AFAP1: variants seen among roughly 807,000 people sequenced by gnomAD.
AFAP1 encodes the protein actin filament-associated protein 1.
Under a neutral mutation model 93.9 loss-of-function variants are expected in AFAP1, and 75 were observed. The ratio of observed to expected loss-of-function variants is 0.80; its 90% CI spans 0.66 to 0.97. The LOEUF (loss-of-function observed/expected upper bound fraction) is 0.97, where lower values mean the gene tolerates loss of function less well. Among genes scored for constraint, AFAP1 ranks in the 50% least tolerant of loss-of-function variants. The pLI, the probability that AFAP1 is intolerant of heterozygous loss-of-function variation, is 0.00. For synonymous variants in AFAP1, 517 were observed against 430.7 expected, an observed-to-expected ratio of 1.20 and a Z score of -2.48; for missense variants, 1,201 against 1,050.8, an observed-to-expected ratio of 1.14 and a Z score of -1.98.
intron 1 of AFAP1, among the ~76,000 whole-genome samples, chr4:7,932,053 G>A (rs1157718913): frequency 3.3e-5 from 5 of 151,800 alleles, no homozygotes; most frequent in African/African-American, 1.2e-4. Flanking sequence ...AGTAGAGATG[G>A]GGTTTCACCA....
intron 3 of AFAP1, among the ~76,000 whole-genome samples, chr4:7,863,153 C>T (rs1268768989): frequency 6.6e-6 from 1 of 152,240 alleles, no homozygotes; most frequent in Non-Finnish European, 1.5e-5. Flanking sequence ...CGGTGGCTCA[C>T]GCCTATAATC....
intron 1 of AFAP1, among the ~76,000 whole-genome samples, chr4:7,880,227 A>G (rs931753482): frequency 1.3e-5 from 2 of 151,086 alleles, no homozygotes; most frequent in Non-Finnish European, 2.9e-5. Flanking sequence ...ATTTACCTTC[A>G]TGACTCAATC....
At chr4:7,834,445 C>T (rs1056279654) in intron 6 of AFAP1, among the ~76,000 whole-genome samples, 6 of 152,166 alleles carry the variant, frequency 3.9e-5, no homozygotes, top group African/African-American at 9.7e-5. Context: ...CAAAATCTCA[C>T]GAATCAACAC....
rs1717226094 is a variant in AFAP1 at position 7,786,076 on chromosome 4, T to C, written c.1530+118A>G. 4.6e-6 allele frequency: 4 copies of C among 866,004 alleles called. No individual in the cohort carries two copies. The Admixed American group carries it at 8.8e-5, about 19-fold the overall frequency. The allele number at this position is 866,004 out of a possible 1,614,324, so 53.6% of individuals were successfully genotyped here. On this transcript the variant is annotated intron_variant, in intron 12 of 17. Coordinates refer to ENST00000420658, the MANE Select transcript of AFAP1 (RefSeq NM_001134647.2). Reference sequence around the variant, plus strand: ...AGAGATGAGATGGAGTCTCCTTGCCTCAGAGCATTAAAAAGCTGACCTTAT... The same window carrying C: ...AGAGATGAGATGGAGTCTCCTTGCCCCAGAGCATTAAAAAGCTGACCTTAT...
chr4:7,845,244 G>T (rs577960568), intron 4 of AFAP1, among the ~76,000 whole-genome samples: 2 of 152,022 alleles, frequency 1.3e-5, no homozygotes, highest in South Asian at 4.2e-4. Flanking sequence ...GCAACATAGC[G>T]AGACCCTATC....
intron 12 of AFAP1, among the ~76,000 whole-genome samples, chr4:7,785,478 A>G (rs7699923): frequency 0.012 from 1,879 of 152,282 alleles, 43 homozygotes; most frequent in African/African-American, 0.043. Context: ...CTATGTCATC[A>G]TTTCCTTCCT....
At chr4:7,860,227 C>T (rs1157889044) in intron 3 of AFAP1, among the ~76,000 whole-genome samples, 1 of 152,096 alleles carries the variant, frequency 6.6e-6, no homozygotes, top group African/African-American at 2.4e-5. Context: ...ATCTCTTCTG[C>T]AAAATGCTTG....
chr4:7,808,664 G>A (rs571057272), intron 9 of AFAP1, among the ~76,000 whole-genome samples: 31 of 152,210 alleles, frequency 2.0e-4, no homozygotes, highest in South Asian at 4.1e-4. Context: ...ATCTCATGTT[G>A]AAATGTGATC....
In AFAP1 at chr4:7,880,426, C is replaced by T. The variant is rs185407663; in HGVS notation, c.-2-8346G>A. 3.3e-5 allele frequency among the ~76,000 whole-genome samples: 5 copies of T among 152,136 alleles called. No individual in the cohort carries two copies. The East Asian group carries it at 7.7e-4, about 24-fold the overall frequency. The stretch of plus-strand genomic sequence containing the variant: ...TCCTGAGTAGCTGGTATTATAGGCA[C>T]CCACCACCACACCCGGCTAATTTTT... On this transcript the variant is annotated intron_variant, in intron 1 of 17. Transcript: ENST00000420658.
At chr4:7,772,718 G>A in intron 16 of AFAP1, 102 bp downstream of exon 16, 1 of 1,132,222 alleles carries the variant, frequency 8.8e-7, no homozygotes, top group Admixed American at 2.5e-5. Context: ...GGGGCCACAA[G>A]CAAGCTACGC....
intron 11 of AFAP1, among the ~76,000 whole-genome samples, chr4:7,791,138 C>G (rs529220821): frequency 6.6e-6 from 1 of 152,306 alleles, no homozygotes; most frequent in African/African-American, 2.4e-5. Flanking sequence ...ATTAAACGGG[C>G]ACAACACAAC....
At chr4:7,796,501 G>A (rs1481901369) in intron 10 of AFAP1, among the ~76,000 whole-genome samples, 1 of 152,152 alleles carries the variant, frequency 6.6e-6, no homozygotes, top group Non-Finnish European at 1.5e-5. Context: ...TGTAATCCCA[G>A]CACTTTGGGA....
intron 8 of AFAP1, among the ~76,000 whole-genome samples, chr4:7,813,327 A>C (rs6844380): frequency 0.7 from 105,964 of 152,118 alleles, 37,519 homozygotes; most frequent in African/African-American, 0.82. Flanking sequence ...CCAGTAACTA[A>C]CGAGCGTCTG....
intron 17 of AFAP1, 125 bp from the exon 18 acceptor site, chr4:7,763,916 TCAATGAC>T (rs1230202044): frequency 1.1e-5 from 10 of 891,454 alleles, no homozygotes; most frequent in Non-Finnish European, 1.8e-5. Context: ...CTCAACAGAA[TCAATGAC>T]CAATGACCCG....
chr4:7,803,521 C>A (rs1215702344), intron 9 of AFAP1, among the ~76,000 whole-genome samples: 18 of 151,992 alleles, frequency 1.2e-4, no homozygotes, highest in Admixed American at 1.2e-3. Context: ...CCCTGATCCC[C>A]AACCACAGGG....
At chr4:7,920,411 A>G (rs1393542236) in intron 1 of AFAP1, among the ~76,000 whole-genome samples, 1 of 152,188 alleles carries the variant, frequency 6.6e-6, no homozygotes, top group Non-Finnish European at 1.5e-5. Context: ...TTTGGATAAA[A>G]TTTGTAACTT....
intron 9 of AFAP1, among the ~76,000 whole-genome samples, chr4:7,806,646 T>C (rs1202272145): frequency 1.3e-5 from 2 of 151,986 alleles, no homozygotes; most frequent in Admixed American, 6.6e-5. Context: ...TGTACTAAAA[T>C]AACTGAAAAT....
chr4:7,892,071 G>GA (rs1718503165), intron 1 of AFAP1, among the ~76,000 whole-genome samples: 1 of 152,080 alleles, frequency 6.6e-6, no homozygotes, highest in South Asian at 2.1e-4. Flanking sequence ...AGAAAAAAAA[G>GA]AAAAAAGCAA....
intron 6 of AFAP1, among the ~76,000 whole-genome samples, chr4:7,824,574 G>GT (rs534688577): frequency 2.0e-4 from 30 of 152,282 alleles, no homozygotes; most frequent in African/African-American, 6.0e-4. Flanking sequence ...AGTTCTCATG[G>GT]TTTTTTTAGA....
Sources: allele counts gnomAD v4.1 joint callset (sites outside exome capture counted in the v4.1 genomes callset), GRCh38; gene constraint gnomAD v4.1.1; transcripts MANE v1.5; gene names NCBI Gene and HGNC (gene_info 2026-07-23, HGNC 2026-07-21).